CENPK: variants seen among roughly 807,000 people sequenced by gnomAD.
CENPK encodes SoxLZ/Sox6-binding protein Solt.
Under a neutral mutation model 40.9 loss-of-function variants are expected in CENPK, and 46 were observed. The ratio of observed to expected loss-of-function variants is 1.13; its 90% confidence interval spans 0.89 to 1.44. The LOEUF is 1.44. Among genes scored for constraint, CENPK ranks in the 40% most tolerant of loss-of-function variants. CENPK has a pLI of 0.00. For synonymous variants in CENPK, 107 were observed against 104.4 expected, an observed-to-expected ratio of 1.02 and a Z score of -0.15; for missense variants, 288 against 303.5, an observed-to-expected ratio of 0.95 and a Z score of 0.38.
the CENPK span, among the ~76,000 whole-genome samples, chr5:65,512,758 G>A: frequency 6.6e-6 from 1 of 152,146 alleles, no homozygotes; most frequent in African/African-American, 2.4e-5. Context: ...AGGTATGCCT[G>A]TATTAGGGCT....
At chr5:65,557,180 T>C (rs1389496736) in intron 2 of CENPK, among the ~76,000 whole-genome samples, 1 of 152,156 alleles carries the variant, frequency 6.6e-6, no homozygotes, top group Non-Finnish European at 1.5e-5. Context: ...AATCCAAGAA[T>C]GTATTCAAGG....
chr5:65,559,577 C>T (rs1175412575), intron 2 of CENPK, among the ~76,000 whole-genome samples: 3 of 148,470 alleles, frequency 2.0e-5, no homozygotes, highest in Non-Finnish European at 3.0e-5. Flanking sequence ...TGCAGTGAGC[C>T]GAGATCCCGC....
the CENPK span, among the ~76,000 whole-genome samples, chr5:65,497,350 C>T: frequency 6.6e-6 from 1 of 151,826 alleles, no homozygotes; most frequent in Non-Finnish European, 1.5e-5. Flanking sequence ...GCCTAAGCGA[C>T]AAAGTGGGAC....
intron 4 of CENPK, 71 bp downstream of exon 4, chr5:65,552,422 C>T (rs756310026): frequency 3.5e-5 from 33 of 948,286 alleles, no homozygotes; most frequent in Non-Finnish European, 5.1e-5. Flanking sequence ...AATACAGACA[C>T]ACATATTTAT....
intron 6 of CENPK, among the ~76,000 whole-genome samples, chr5:65,534,904 T>C (rs146334837): frequency 1.1e-4 from 16 of 152,220 alleles, no homozygotes; most frequent in African/African-American, 2.9e-4. Context: ...TGAACTTAAG[T>C]TCTCCAAAAC....
the CENPK span, among the ~76,000 whole-genome samples, chr5:65,502,860 C>G: frequency 6.6e-6 from 1 of 151,926 alleles, no homozygotes; most frequent in Non-Finnish European, 1.5e-5. Context: ...GGCTGGAGTG[C>G]AGTGGTGCAA....
intron 10 of CENPK, among the ~76,000 whole-genome samples, chr5:65,519,836 A>C (rs1743393823): frequency 1.3e-5 from 2 of 152,210 alleles, no homozygotes; most frequent in South Asian, 4.1e-4. Context: ...ATTTTAGAGC[A>C]ATGGCTTATT....
At chr5:65,563,032 T>TC (rs1752316193) in intron 1 of CENPK, 66 bp downstream of exon 1, 1 of 264,848 alleles carries the variant, frequency 3.8e-6, no homozygotes. Context: ...GATAAGGGTT[T>TC]CACCTTCAGG....
chr5:65,548,465 C>A (rs865780115), intron 5 of CENPK, among the ~76,000 whole-genome samples: 1 of 150,978 alleles, frequency 6.6e-6, no homozygotes, highest in Non-Finnish European at 1.5e-5. Context: ...TGGCTGTGGC[C>A]GTTTCTTAAA....
At chr5:65,549,394 C>CA (rs1290584934) in intron 5 of CENPK, among the ~76,000 whole-genome samples, 3 of 152,142 alleles carry the variant, frequency 2.0e-5, no homozygotes, top group Non-Finnish European at 4.4e-5. Context: ...GGTTTTAACT[C>CA]AGAGTCACCA....
the CENPK span, among the ~76,000 whole-genome samples, chr5:65,510,648 C>T: frequency 3.3e-5 from 5 of 151,826 alleles, no homozygotes; most frequent in Non-Finnish European, 7.4e-5. Flanking sequence ...TGGTGGTGCA[C>T]GCCTGTAATC....
Position 65,521,464 on chromosome 5 carries a change from A to C in CENPK, c.651+11T>G, listed in dbSNP as rs201957565. 6.2e-7 allele frequency: 1 copy of C among 1,606,322 alleles called. No homozygotes were observed. The highest frequency in any genetic ancestry group is 1.7e-5 in the Admixed American group (1 of 59,442). The stretch of plus-strand genomic sequence containing the variant: ...AGCTTCAAGACAAAACAAACTACAC[A>C]AAACACTTACCTCTAACATTTCATG... On this transcript the variant is annotated intron_variant, in intron 10 of 10. Coordinates refer to ENST00000396679, the MANE Select transcript of CENPK (RefSeq NM_022145.5).
intron 1 of CENPK, 40 bp from the exon 2 acceptor site, chr5:65,561,604 A>G: frequency 4.8e-6 from 2 of 417,276 alleles, no homozygotes; most frequent in Non-Finnish European, 9.7e-6. Context: ...TAAAACACAC[A>G]CACACACACA....
At chr5:65,533,809 A>G in intron 6 of CENPK, among the ~76,000 whole-genome samples, 1 of 152,050 alleles carries the variant, frequency 6.6e-6, no homozygotes. Flanking sequence ...TTGGGAGGCC[A>G]AGGTGGGCAG....
intron 2 of CENPK, among the ~76,000 whole-genome samples, chr5:65,560,470 G>C (rs1394714112): frequency 1.3e-5 from 2 of 152,220 alleles, no homozygotes; most frequent in Admixed American, 6.5e-5. Context: ...ATGATGGTAA[G>C]GGTGTTCACC....
intron 2 of CENPK, among the ~76,000 whole-genome samples, chr5:65,559,118 A>G (rs553878384): frequency 6.6e-6 from 1 of 152,328 alleles, no homozygotes; most frequent in South Asian, 2.1e-4. Context: ...ATCTTTATTC[A>G]TATGGAACTT....
At chr5:65,509,122 C>G in the CENPK span, among the ~76,000 whole-genome samples, 1 of 152,176 alleles carries the variant, frequency 6.6e-6, no homozygotes, top group African/African-American at 2.4e-5. Flanking sequence ...TTTCCCATCC[C>G]TTTATGTTTA....
rs747252575 is a variant in CENPK at position 65,554,804 on chromosome 5, A to G, written c.104T>C (p.Met35Thr). 4.6e-6 allele frequency: 7 copies of G among 1,525,902 alleles called. No homozygotes were observed. The highest frequency in any genetic ancestry group is 5.4e-6 in the Non-Finnish European group (6 of 1,101,044). The allele number at this position is 1,525,902 out of a possible 1,614,324, so 94.5% of individuals were successfully genotyped here. A position where few individuals can be genotyped will look rare whatever the true frequency, so the allele number is the denominator to read the frequency against. Residue 35 changes from methionine to threonine, a missense_variant, in exon 3 of 11, where the codon ATG becomes ACG. Met to Thr is a moderately conservative substitution (Grantham distance 81). Coordinates refer to ENST00000396679, the MANE Select transcript of CENPK (RefSeq NM_022145.5). Reference sequence around the variant, plus strand: ...CTATCTTTTGAAACTTACTTCTTCCATATCTTTCCACATTTCTTCACATTC... The same window carrying G: ...CTATCTTTTGAAACTTACTTCTTCCGTATCTTTCCACATTTCTTCACATTC... ...IRECEEMWKD[M>T]EECQNKLSLI...
At chr5:65,560,299 C>A (rs1037766929) in intron 2 of CENPK, among the ~76,000 whole-genome samples, 4 of 151,542 alleles carry the variant, frequency 2.6e-5, no homozygotes, top group African/African-American at 9.7e-5. Context: ...AAGAAGAAAC[C>A]AAACAACTCA....
Sources: allele counts gnomAD v4.1 joint callset (sites outside exome capture counted in the v4.1 genomes callset), GRCh38; gene constraint gnomAD v4.1.1; transcripts MANE v1.5; gene names NCBI Gene and HGNC (gene_info 2026-07-23, HGNC 2026-07-21).